RAD51: variants seen among roughly 807,000 people sequenced by gnomAD.
RAD51 encodes the protein RAD51 recombinase.
Under a neutral mutation model 41.5 loss-of-function variants are expected in RAD51, and 14 were observed. That is an observed-to-expected ratio of 0.34 (90% CI 0.22 to 0.53). RAD51 has a LOEUF of 0.53. Ranked by LOEUF, RAD51 falls within the 20% of genes least tolerant of loss-of-function variation. The pLI, the probability that RAD51 is intolerant of heterozygous loss-of-function variation, is 0.95. For missense variants in RAD51, 234 were observed against 422.0 expected, an observed-to-expected ratio of 0.55 and a Z score of 3.90; for synonymous variants, 136 against 148.6, an observed-to-expected ratio of 0.92 and a Z score of 0.62.
At chr15:40,730,616 G>A (rs933325142) in intron 9 of RAD51, among the ~76,000 whole-genome samples, 39 of 145,222 alleles carry the variant, frequency 2.7e-4, no homozygotes, top group Admixed American at 8.8e-4. Context: ...CCGCCTCCCG[G>A]GTTCACACCA....
chr15:40,719,518 A>G (rs977674338), intron 6 of RAD51, among the ~76,000 whole-genome samples: 1 of 152,220 alleles, frequency 6.6e-6, no homozygotes, highest in Non-Finnish European at 1.5e-5. Flanking sequence ...CTATACTAAT[A>G]TCAGACAAAG....
intron 6 of RAD51, among the ~76,000 whole-genome samples, chr15:40,724,034 T>C (rs540472497): frequency 1.3e-5 from 2 of 152,330 alleles, no homozygotes; most frequent in East Asian, 3.9e-4. Context: ...ATGAGGAGAA[T>C]ATTCTCTCTC....
intron 3 of RAD51, among the ~76,000 whole-genome samples, chr15:40,703,162 A>C (rs1428604022): frequency 6.6e-6 from 1 of 152,154 alleles, no homozygotes; most frequent in Admixed American, 6.6e-5. Flanking sequence ...AGCTCTGTGG[A>C]GGCAGGAATC....
At chr15:40,730,100 C>G in intron 9 of RAD51, 126 bp downstream of exon 9, 3 of 1,311,894 alleles carry the variant, frequency 2.3e-6, no homozygotes, top group Non-Finnish European at 3.2e-6. Flanking sequence ...GGAACTCTTG[C>G]TAATCTAATT....
intron 6 of RAD51, among the ~76,000 whole-genome samples, chr15:40,724,685 T>TA (rs1458136794): frequency 1.7e-5 from 2 of 120,660 alleles, no homozygotes; most frequent in African/African-American, 6.2e-5. Context: ...TTTTTTTTTT[T>TA]TTTTTTTTTT....
rs576204504 is a variant in RAD51 at position 40,725,795 on chromosome 15, G to C, written c.531-2916G>C. ...CTAAGGTCAGGAGTTTGAGACCAGC[G>C]TGGCAACATGGTGAAACCCTGCTCT... On this transcript the variant is annotated intron_variant, in intron 6 of 9. Transcript: ENST00000267868. 1.9e-3 allele frequency among the ~76,000 whole-genome samples: 284 copies of C among 152,108 alleles called. 3 individuals carry two copies. Among genetic ancestry groups the C allele is most frequent in the African/African-American group, 6.7e-3 (276 of 41,486 alleles).
At chr15:40,725,993 C>G (rs923566808) in intron 6 of RAD51, among the ~76,000 whole-genome samples, 1 of 151,410 alleles carries the variant, frequency 6.6e-6, no homozygotes, top group Non-Finnish European at 1.5e-5. Context: ...CTCAAAAAAA[C>G]AAAACAACAA....
chr15:40,705,155 C>T (rs899547917), intron 3 of RAD51, among the ~76,000 whole-genome samples: 1 of 152,154 alleles, frequency 6.6e-6, no homozygotes, highest in African/African-American at 2.4e-5. Context: ...TCTCTCTAAG[C>T]ACTGCTTTTC....
chr15:40,718,378 C>T (rs953789989), intron 5 of RAD51, among the ~76,000 whole-genome samples: 2 of 151,748 alleles, frequency 1.3e-5, no homozygotes, highest in Non-Finnish European at 1.5e-5. Context: ...ATTAGCTGGG[C>T]GTGGTGGCAT....
Position 40,731,296 on chromosome 15 carries a change from G to A in RAD51, c.*118G>A. The A allele has an allele frequency of 7.3e-7, 1 of 1,373,002 alleles. No homozygotes were observed. Among genetic ancestry groups the A allele is most frequent in the Non-Finnish European group, 1.0e-6 (1 of 976,200 alleles). 85.1% of individuals were successfully genotyped at this position (1,373,002 alleles called of 1,614,324 possible). ...TGTGACTGCCAGGATAAAGCTTCCG[G>A]GAAAACAGCTATTATATCAGCTTTT... On this transcript the variant is annotated 3_prime_UTR_variant, in exon 10 of 10. Coordinates refer to ENST00000267868, the MANE Select transcript of RAD51 (RefSeq NM_002875.5).
chr15:40,718,739 G>A, intron 5 of RAD51, 66 bp from the exon 6 acceptor site: 2 of 1,340,414 alleles, frequency 1.5e-6, no homozygotes, highest in Non-Finnish European at 2.1e-6. Context: ...AAGATGTCAT[G>A]AGGAGCTTGG....
rs979092042 is a variant in RAD51, at chr15:40,731,731, A to T, written c.*553A>T. 1 of 224,636 alleles carries T rather than the reference A, an allele frequency of 4.5e-6. No individual in the cohort carries two copies. The highest frequency in any genetic ancestry group is 5.3e-5 in the Admixed American group (1 of 18,700). 13.9% of individuals were successfully genotyped at this position (224,636 alleles called of 1,614,324 possible). A position where few individuals can be genotyped will look rare whatever the true frequency, so the allele number is the denominator to read the frequency against. ...CCTACTAGGCCATTAGCCCTTCACC[A>T]TCTACCTGCTTGGTCTTTCATTGCT... On this transcript the variant is annotated 3_prime_UTR_variant, in exon 10 of 10. Transcript: ENST00000267868.
intron 3 of RAD51, chr15:40,701,673 TC>T: frequency 4.5e-6 from 1 of 222,688 alleles, no homozygotes; most frequent in South Asian, 5.2e-5. Context: ...CATACATACT[TC>T]CCCATGGTTA....
chr15:40,721,214 A>G (rs918940073), intron 6 of RAD51, among the ~76,000 whole-genome samples: 2 of 152,212 alleles, frequency 1.3e-5, no homozygotes, highest in Non-Finnish European at 2.9e-5. Flanking sequence ...GATTTTATCT[A>G]TAGATTCAAC....
chr15:40,703,418 T>C (rs532342660), intron 3 of RAD51, among the ~76,000 whole-genome samples: 19 of 152,342 alleles, frequency 1.2e-4, no homozygotes, highest in Non-Finnish European at 2.2e-4. Context: ...TATAGAAAAG[T>C]TTAGAGAATA....
chr15:40,698,773 G>A lies in RAD51; in HGVS notation c.15G>A (p.Met5Ile). 5 of 1,614,128 alleles carry A rather than the reference G, an allele frequency of 3.1e-6. No individual in the cohort carries two copies. Among genetic ancestry groups the A allele is most frequent in the Non-Finnish European group, 4.2e-6 (5 of 1,179,978 alleles). The change falls in exon 2 of 10, where the codon ATG (methionine) becomes ATA (isoleucine). Residue 5 changes from methionine (M) to isoleucine (I), a missense_variant. Met to Ile is a conservative substitution (Grantham distance 10, BLOSUM62 1). Around this residue, in one of 2 missense-constraint regions of RAD51, gnomAD observed 100 missense variants for 135.5 expected, o/e 0.74. Coordinates refer to ENST00000267868, the MANE Select transcript of RAD51 (RefSeq NM_002875.5). MAMQMQLEANADTSV... is the reference protein window; with the variant it reads MAMQIQLEANADTSV... ...ATTTTTCAGTAATGGCAATGCAGAT[G>A]CAGCTTGAAGCAAATGCAGATACTT...
chr15:40,698,478 G>A (rs1004977040), intron 1 of RAD51, among the ~76,000 whole-genome samples: 1 of 152,082 alleles, frequency 6.6e-6, no homozygotes, highest in Non-Finnish European at 1.5e-5. Flanking sequence ...GAGCCACCGC[G>A]CCCCGCCAAG....
In RAD51 at chr15:40,729,497, T is replaced by A. The variant is rs1896762125; in HGVS notation, c.645-8T>A. The A allele has an allele frequency of 6.2e-7, 1 of 1,613,432 alleles. No individual in the cohort carries two copies. Among genetic ancestry groups the A allele is most frequent in the Non-Finnish European group, 8.5e-7 (1 of 1,179,700 alleles). Reference sequence around the variant, plus strand: ...AAATAGGCTTCAGAGAATCCTTGTTTCCTGTAGGTATGCACTGCTTATTGT... The same window carrying A: ...AAATAGGCTTCAGAGAATCCTTGTTACCTGTAGGTATGCACTGCTTATTGT... On this transcript the variant is annotated splice_polypyrimidine_tract_variant and splice_region_variant and intron_variant, in intron 7 of 9. Coordinates refer to ENST00000267868, the MANE Select transcript of RAD51 (RefSeq NM_002875.5).
In RAD51 at chr15:40,729,510, C is replaced by T. The variant is rs1896762917; in HGVS notation, c.650C>T (p.Ala217Val). ...AGAATCCTTGTTTCCTGTAGGTATG[C>T]ACTGCTTATTGTAGACAGTGCCACC... ...ASAMMVESRY[A>V]LLIVDSATAL... Residue 217 changes from alanine to valine, a missense_variant, in exon 8 of 10, where the codon GCA becomes GTA. Transcript: ENST00000267868. 1 of 1,613,374 alleles carries T rather than the reference C, an allele frequency of 6.2e-7. No individual in the cohort carries two copies. Among genetic ancestry groups the T allele is most frequent in the South Asian group, 1.1e-5 (1 of 91,030 alleles).
Sources: gnomAD v4.1 joint callset for allele counts (sites outside exome capture counted in the v4.1 genomes callset) on GRCh38, gnomAD v4.1.1 for gene constraint, gnomAD v4.1.1 regional missense constraint, MANE v1.5 for transcripts, NCBI Gene and HGNC (gene_info 2026-07-23, HGNC 2026-07-21) for gene names.